Variants in IVD observed in about 807,000 individuals in gnomAD.
IVD encodes the protein isovaleryl-CoA dehydrogenase.
In IVD, 31 loss-of-function variants were observed where a neutral mutation model predicts 51.3. That is an observed-to-expected ratio of 0.60 (90% CI 0.45 to 0.81). IVD has a LOEUF of 0.81. Ranked by LOEUF, IVD falls within the 40% of genes least tolerant of loss-of-function variation. The pLI, the probability that IVD is intolerant of heterozygous loss-of-function variation, is 0.00. For synonymous variants in IVD, 205 were observed against 219.4 expected, an observed-to-expected ratio of 0.93 and a Z score of 0.58; for missense variants, 475 against 552.0, an observed-to-expected ratio of 0.86 and a Z score of 1.40.
At chr15:40,427,811 G>A (rs1033600558), downstream of IVD, among the ~76,000 whole-genome samples, 7 of 152,176 alleles carry the variant, frequency 4.6e-5, no homozygotes, top group African/African-American at 1.7e-4. Flanking sequence ...ATCCTGCCCA[G>A]CCCCTCCTTT....
chr15:40,424,203 G>A (rs1892534483), downstream of IVD: 1 of 1,287,816 alleles, frequency 7.8e-7, no homozygotes, highest in Non-Finnish European at 1.0e-6. Flanking sequence ...ATTCTTCAGT[G>A]GCTCCCAGCA....
At chr15:40,431,469 G>A (rs1027570270) in intron 7 of IVD, among the ~76,000 whole-genome samples, 11 of 152,176 alleles carry the variant, frequency 7.2e-5, no homozygotes, top group African/African-American at 2.7e-4. Context: ...GCCGAGGCAG[G>A]CAGATCACGA....
Position 40,418,678 on chromosome 15 carries a change from T to G in IVD, c.*415T>G. 8.8e-7 allele frequency: 1 copy of G among 1,139,218 alleles called. No individual in the cohort carries two copies. The highest frequency in any genetic ancestry group is 1.1e-6 in the Non-Finnish European group (1 of 919,324). The allele number at this position is 1,139,218 out of a possible 1,614,324, so 70.6% of individuals were successfully genotyped here. A position where few individuals can be genotyped will look rare whatever the true frequency, so the allele number is the denominator to read the frequency against. ...CTTGGGTGAGGCTCTGGCAAGGAGA[T>G]CTCTCTGCTCAAGCACAGCAGAATC... is the stretch of plus-strand genomic sequence containing the variant. On this transcript the variant is annotated 3_prime_UTR_variant, in exon 12 of 12. Coordinates refer to ENST00000487418, the MANE Select transcript of IVD (RefSeq NM_002225.5).
chr15:40,409,150 A>C lies in IVD; in HGVS notation c.286+1160A>C, dbSNP rs569633019. Among the ~76,000 whole-genome samples the C allele has an allele frequency of 2.8e-4, 42 of 152,340 alleles. 1 individual carries two copies. The South Asian group carries it at 8.5e-3, about 31-fold the overall frequency. On this transcript the variant is annotated intron_variant, in intron 3 of 11. Coordinates refer to ENST00000487418, the MANE Select transcript of IVD (RefSeq NM_002225.5). ...GGGTACTCCTAAGCAAGACTCTCCTACTGTGTTTTGGGGGTTTATGTACCC... is the reference window on the plus strand; with the variant it reads ...GGGTACTCCTAAGCAAGACTCTCCTCCTGTGTTTTGGGGGTTTATGTACCC...
At chr15:40,408,220 C>T (rs1048319813) in intron 3 of IVD, among the ~76,000 whole-genome samples, 16 of 152,198 alleles carry the variant, frequency 1.1e-4, no homozygotes, top group African/African-American at 3.6e-4. Flanking sequence ...CATTGTGGCT[C>T]ACTTGGATCA....
chr15:40,405,901 T>A lies in IVD; in HGVS notation c.74T>A (p.Val25Asp). The A allele has an allele frequency of 2.5e-6, 4 of 1,613,324 alleles. No homozygotes were observed. Among genetic ancestry groups the A allele is most frequent in the Non-Finnish European group, 3.4e-6 (4 of 1,179,836 alleles). ...CTGCGGCCGCCGCTTGCCGGCTTCG[T>A]TTCCCAGCGGGCCCACTCGCTTTTG... is the stretch of plus-strand genomic sequence containing the variant. ...WRLRPPLAGF[V>D]SQRAHSLLPV... The change falls in exon 1 of 12, where the codon GTT becomes GAT. Residue 25 changes from valine (V) to aspartate (D), a missense_variant. Physicochemically the swap from Val to Asp is radical, Grantham distance 152. Coordinates refer to ENST00000487418, the MANE Select transcript of IVD (RefSeq NM_002225.5).
chr15:40,414,907 A>T lies in IVD; in HGVS notation c.803A>T (p.His268Leu). ...CKIPAANILG[H>L]ENKGVYVLMS... is the part of the protein sequence containing the mutation. ...CTGGCAGCTGCCAACATCCTGGGCC[A>T]TGAGAATAAGGGTGTCTACGTGCTG... The change falls in exon 8 of 12, where the codon CAT (histidine) becomes CTT (leucine). Residue 268 changes from histidine (H) to leucine (L), a missense_variant. Transcript: ENST00000487418. 1 of 1,614,130 alleles carries T rather than the reference A, an allele frequency of 6.2e-7. No individual in the cohort carries two copies. Among genetic ancestry groups the T allele is most frequent in the Non-Finnish European group, 8.5e-7 (1 of 1,179,996 alleles).
chr15:40,407,916 A>T (rs1566932356), intron 2 of IVD, 23 bp from the exon 3 acceptor site: 1 of 1,613,192 alleles, frequency 6.2e-7, no homozygotes. Context: ...CACTTATTCC[A>T]CTCTGCTCCA....
intron 5 of IVD, 93 bp from the exon 6 acceptor site, chr15:40,411,462 A>T (rs1891076487): frequency 1.2e-6 from 2 of 1,604,586 alleles, no homozygotes; most frequent in Non-Finnish European, 1.7e-6. Context: ...GAACTTTCTC[A>T]AAGGTGGACA....
intron 3 of IVD, among the ~76,000 whole-genome samples, chr15:40,409,273 C>T (rs1028204846): frequency 4.6e-5 from 7 of 151,630 alleles, no homozygotes; most frequent in African/African-American, 1.5e-4. Flanking sequence ...TGGTAGTGGG[C>T]TCCTATAATC....
At chr15:40,414,047 T>C (rs943934123) in intron 7 of IVD, among the ~76,000 whole-genome samples, 1 of 152,038 alleles carries the variant, frequency 6.6e-6, no homozygotes, top group Non-Finnish European at 1.5e-5. Flanking sequence ...TAGAGACAGA[T>C]GGGGTTTCAC....
intron 8 of IVD, chr15:40,435,374 T>A: frequency 9.8e-7 from 1 of 1,017,208 alleles, no homozygotes; most frequent in Non-Finnish European, 1.2e-6. Context: ...CAGGAGCCGC[T>A]GGGGTTGTGG....
chr15:40,417,867 T>C (rs1438675140), intron 11 of IVD, among the ~76,000 whole-genome samples: 3 of 152,240 alleles, frequency 2.0e-5, no homozygotes, highest in Non-Finnish European at 4.4e-5. Context: ...CTCATAAGTA[T>C]GTATGTATAG....
intron 7 of IVD, among the ~76,000 whole-genome samples, chr15:40,430,352 T>C (rs571813679): frequency 2.1e-4 from 32 of 152,296 alleles, no homozygotes; most frequent in Non-Finnish European, 4.3e-4. Flanking sequence ...CTTGCCAGGC[T>C]TGCTAGGAGG....
In IVD at chr15:40,421,001, C is replaced by T; in HGVS notation, c.*2738C>T. The T allele has an allele frequency of 1.0e-6, 1 of 985,490 alleles. No individual in the cohort carries two copies. The highest frequency in any genetic ancestry group is 5.2e-4 in the Middle Eastern group (1 of 1,914). The allele number at this position is 985,490 out of a possible 1,614,324, so 61.0% of individuals were successfully genotyped here. On this transcript the variant is annotated 3_prime_UTR_variant, in exon 12 of 12. Coordinates refer to ENST00000487418, the MANE Select transcript of IVD (RefSeq NM_002225.5). ...GCTGTTCCTAGCCTGAGGCTTGAGA[C>T]AGGTGGGGTTGGCTCCTCACCAACC... is the stretch of plus-strand genomic sequence containing the variant.
Position 40,411,670 on chromosome 15 carries a change from C to CA in IVD, c.667dup (p.Thr223AsnfsTer13). The CA allele has an allele frequency of 6.2e-7, 1 of 1,614,206 alleles. No homozygotes were observed. The highest frequency in any genetic ancestry group is 2.2e-5 in the East Asian group (1 of 44,886). On this transcript the variant is annotated frameshift_variant, in exon 6 of 12. Transcript: ENST00000487418. LOFTEE classifies it high-confidence loss of function. Reference sequence around the variant, plus strand: ...CTGCTGTGCCAGCTTCTCGGGGCATCACAGCCTTCATTGTGGAGAAGGTGA... The same window carrying CA: ...CTGCTGTGCCAGCTTCTCGGGGCATCAACAGCCTTCATTGTGGAGAAGGTGA...
At chr15:40,421,499 G>T (rs1892297084), downstream of IVD, among the ~76,000 whole-genome samples, 3 of 152,314 alleles carry the variant, frequency 2.0e-5, no homozygotes, top group South Asian at 4.1e-4. Context: ...CGCTGCTGTT[G>T]ATGCTGCCTG....
intron 11 of IVD, 68 bp downstream of exon 11, chr15:40,416,430 C>T: frequency 6.7e-7 from 1 of 1,485,438 alleles, no homozygotes; most frequent in Non-Finnish European, 9.3e-7. Flanking sequence ...CTTCAGAAAG[C>T]AGTTTCAGGG....
At chr15:40,406,649 C>T (rs147261786) in intron 1 of IVD, among the ~76,000 whole-genome samples, 1,699 of 152,202 alleles carry the variant, frequency 0.011, 26 homozygotes, top group African/African-American at 0.039. Flanking sequence ...GAAAAGAAGA[C>T]GAAGTAGTAT....
Sources: allele counts gnomAD v4.1 joint callset (sites outside exome capture counted in the v4.1 genomes callset), GRCh38; gene constraint gnomAD v4.1.1; transcripts MANE v1.5; gene names NCBI Gene and HGNC (gene_info 2026-07-23, HGNC 2026-07-21).